COG7: variants seen among roughly 807,000 people sequenced by gnomAD.
The protein encoded by COG7 is conserved oligomeric Golgi complex subunit 7.
In COG7, 49 loss-of-function variants were observed where a neutral mutation model predicts 91.5. The observed-to-expected ratio is 0.54, with a 90% CI of 0.43 to 0.68. The LOEUF is 0.68. Among genes scored for constraint, COG7 ranks in the 30% least tolerant of loss-of-function variants. The pLI, the probability that COG7 is intolerant of heterozygous loss-of-function variation, is 0.00. For missense variants in COG7, 895 were observed against 961.3 expected (o/e 0.93, Z 0.91); for synonymous variants, 365 against 388.7 (o/e 0.94, Z 0.72).
intron 13 of COG7, among the ~76,000 whole-genome samples, chr16:23,399,545 C>T (rs1963340728): frequency 6.6e-6 from 1 of 152,026 alleles, no homozygotes; most frequent in African/African-American, 2.4e-5. Flanking sequence ...CCACCCTGTA[C>T]ACCCCCACAC....
At chr16:23,431,939 A>G (rs250554) in intron 6 of COG7, among the ~76,000 whole-genome samples, 44,648 of 151,774 alleles carry the variant, frequency 0.29, 7,549 homozygotes, top group African/African-American at 0.47. Flanking sequence ...GCCAGGAGTT[A>G]GAGACCAGCC....
intron 7 of COG7, among the ~76,000 whole-genome samples, chr16:23,419,585 C>T (rs569409761): frequency 1.3e-4 from 19 of 148,182 alleles, no homozygotes; most frequent in Admixed American, 9.5e-4. Flanking sequence ...CCGATCTCTA[C>T]TAAAAATACA....
chr16:23,434,563 A>G, intron 5 of COG7, 73 bp downstream of exon 5: 1 of 1,135,060 alleles, frequency 8.8e-7, no homozygotes, highest in East Asian at 2.3e-5. Context: ...CTGAATTATG[A>G]ACCTGCGATT....
intron 12 of COG7, among the ~76,000 whole-genome samples, chr16:23,405,768 C>T (rs191528482): frequency 6.6e-5 from 10 of 152,230 alleles, no homozygotes; most frequent in Middle Eastern, 6.8e-3. Flanking sequence ...CCACCCACCT[C>T]GGCCTCCCAA....
chr16:23,433,642 T>G lies in COG7; in HGVS notation c.713A>C (p.Glu238Ala). Residue 238 changes from glutamate to alanine, a missense_variant, in exon 6 of 17, where the codon GAG (glutamate) becomes GCG (alanine). By Grantham distance (107) the Glu-to-Ala change is moderately radical. Coordinates refer to ENST00000307149, the MANE Select transcript of COG7 (RefSeq NM_153603.4). ...HKVQLLAAWQ[E>A]LCQSDLSLDR... is the part of the protein sequence containing the mutation. Reference sequence around the variant, plus strand: ...CAGGGATAGGTCACTTTGACACAGCTCTTGCCAGGCTGCTAAAAGCTGCAC... The same window carrying G: ...CAGGGATAGGTCACTTTGACACAGCGCTTGCCAGGCTGCTAAAAGCTGCAC... The G allele has an allele frequency of 1.2e-6, 2 of 1,613,970 alleles. No homozygotes were observed. Among genetic ancestry groups the G allele is most frequent in the Non-Finnish European group, 1.7e-6 (2 of 1,179,982 alleles).
chr16:23,443,502 G>C (rs1434987359), intron 3 of COG7, among the ~76,000 whole-genome samples: 1 of 152,110 alleles, frequency 6.6e-6, no homozygotes, highest in East Asian at 1.9e-4. Flanking sequence ...CAACCAGCCT[G>C]GCCAACATGG....
rs750617340 is a variant in COG7 at position 23,393,215 on chromosome 16, G to A, written c.2002+18C>T. ...GACAGCTTGACTTGTAACATCGCCA[G>A]AAACGGTCCCCGCTTACCCTGCTCA... On this transcript the variant is annotated intron_variant, in intron 15 of 16. Coordinates refer to ENST00000307149, the MANE Select transcript of COG7 (RefSeq NM_153603.4). 17 of 1,585,390 alleles carry A rather than the reference G, an allele frequency of 1.1e-5. No homozygotes were observed. Among genetic ancestry groups the A allele is most frequent in the Non-Finnish European group, 1.3e-5 (15 of 1,155,252 alleles).
chr16:23,451,220 G>A (rs879907865), intron 1 of COG7, among the ~76,000 whole-genome samples: 2 of 152,042 alleles, frequency 1.3e-5, no homozygotes, highest in South Asian at 4.1e-4. Context: ...AAACAAAAAT[G>A]GGAACATCTC....
Position 23,445,049 on chromosome 16 carries a change from T to C in COG7, c.434A>G (p.Gln145Arg), listed in dbSNP as rs1964159373. The C allele has an allele frequency of 6.2e-7, 1 of 1,609,298 alleles. No homozygotes were observed. Among genetic ancestry groups the C allele is most frequent in the African/African-American group, 1.3e-5 (1 of 74,796 alleles). The part of the protein sequence containing the change: ...SADIEETFKT[Q>R]DIAVISAKLT... ...ACATCCCCTAAACAAGAAACCTACCTGAGTCTTAAATGTCTCCTCAATATC... is the reference window on the plus strand; with the variant it reads ...ACATCCCCTAAACAAGAAACCTACCCGAGTCTTAAATGTCTCCTCAATATC... The change falls in exon 3 of 17, where the codon CAG becomes CGG. Residue 145 changes from glutamine (Q) to arginine (R), a missense_variant and splice_region_variant. Gln to Arg is a conservative substitution (Grantham distance 43). Transcript: ENST00000307149.
intron 14 of COG7, chr16:23,393,700 A>C (rs1182497783): frequency 3.5e-6 from 1 of 285,434 alleles, no homozygotes; most frequent in Non-Finnish European, 6.8e-6. Flanking sequence ...GTGAAAAACC[A>C]GTAAGATACT....
intron 6 of COG7, among the ~76,000 whole-genome samples, chr16:23,426,480 A>T (rs1402872023): frequency 6.6e-6 from 1 of 152,222 alleles, no homozygotes; most frequent in Non-Finnish European, 1.5e-5. Context: ...TGAAGTTAGG[A>T]ATTTGAGACC....
intron 7 of COG7, among the ~76,000 whole-genome samples, chr16:23,420,538 G>GAA (rs1412933471): frequency 2.0e-5 from 3 of 152,052 alleles, no homozygotes; most frequent in Non-Finnish European, 4.4e-5. Flanking sequence ...CCTCTGTCTG[G>GAA]AAGGACCGGC....
At chr16:23,438,739 A>C (rs867716603) in intron 4 of COG7, among the ~76,000 whole-genome samples, 5 of 151,904 alleles carry the variant, frequency 3.3e-5, no homozygotes, top group East Asian at 3.9e-4. Context: ...CCAAAAAAAA[A>C]CAAAAAATGA....
chr16:23,413,311 G>C (rs2142072582), intron 10 of COG7, 137 bp downstream of exon 10: 1 of 732,566 alleles, frequency 1.4e-6, no homozygotes, highest in East Asian at 2.6e-5. Context: ...AGAGTCTGGA[G>C]TATTTGCTTT....
At chr16:23,435,228 G>A (rs1005563998) in intron 4 of COG7, among the ~76,000 whole-genome samples, 3 of 152,050 alleles carry the variant, frequency 2.0e-5, no homozygotes, top group Non-Finnish European at 2.9e-5. Context: ...TTAGCTGAGC[G>A]TGGTGGTGCA....
Position 23,405,972 on chromosome 16 carries a change from G to A in COG7, c.1662+104C>T, listed in dbSNP as rs1266847511. 10 of 1,008,056 alleles carry A rather than the reference G, an allele frequency of 9.9e-6. No individual in the cohort carries two copies. In the Admixed American group the frequency reaches 1.5e-4, roughly 15 times the overall value. The allele number at this position is 1,008,056 out of a possible 1,614,324, so 62.4% of individuals were successfully genotyped here. ...AGAGGTAGTAGCAGGGTACGTCACAGCCCAGGGCCACACACAGGGCCCGCC... is the reference window on the plus strand; with the variant it reads ...AGAGGTAGTAGCAGGGTACGTCACAACCCAGGGCCACACACAGGGCCCGCC... On this transcript the variant is annotated intron_variant, in intron 12 of 16. Coordinates refer to ENST00000307149, the MANE Select transcript of COG7 (RefSeq NM_153603.4).
chr16:23,404,722 C>T (rs1963431877), intron 12 of COG7, among the ~76,000 whole-genome samples: 1 of 152,202 alleles, frequency 6.6e-6, no homozygotes. Context: ...GAGTTCGAGG[C>T]CAGCCTGGCC....
chr16:23,409,104 T>TGCGCGCGC (rs1963520984), intron 11 of COG7, among the ~76,000 whole-genome samples: 1 of 126,524 alleles, frequency 7.9e-6, no homozygotes, highest in Admixed American at 7.9e-5. Flanking sequence ...CATGTGTGTG[T>TGCGCGCGC]GTGTGTGTGT....
intron 7 of COG7, among the ~76,000 whole-genome samples, chr16:23,421,634 G>A (rs1963757401): frequency 6.6e-6 from 1 of 151,734 alleles, no homozygotes; most frequent in African/African-American, 2.4e-5. Flanking sequence ...CTAAGAACCT[G>A]GCAATGACAG....
Sources: allele counts gnomAD v4.1 joint callset (sites outside exome capture counted in the v4.1 genomes callset), GRCh38; gene constraint gnomAD v4.1.1; transcripts MANE v1.5; gene names NCBI Gene and HGNC (gene_info 2026-07-23, HGNC 2026-07-21).